Variants in HMG20A observed in about 807,000 individuals in gnomAD.
HMG20A encodes high mobility group 20A.
A neutral mutation model predicts 43.9 loss-of-function variants in HMG20A; 17 were observed. The observed-to-expected ratio is 0.39, with a 90% CI of 0.27 to 0.58. The LOEUF (loss-of-function observed/expected upper bound fraction) is 0.58, where lower values mean the gene tolerates loss of function less well. HMG20A is among the 20% of genes least tolerant of loss of function. The pLI, the probability that HMG20A is intolerant of heterozygous loss-of-function variation, is 0.59. For missense variants in HMG20A, 341 were observed against 438.2 expected, an observed-to-expected ratio of 0.78 and a Z score of 1.98; for synonymous variants, 132 against 147.5, an observed-to-expected ratio of 0.89 and a Z score of 0.76.
chr15:77,449,897 C>T (rs1354443892), intron 1 of HMG20A, among the ~76,000 whole-genome samples: 1 of 152,084 alleles, frequency 6.6e-6, no homozygotes, highest in Admixed American at 6.6e-5. Flanking sequence ...ATGTATCCAC[C>T]ATTGTATCAC....
intron 1 of HMG20A, among the ~76,000 whole-genome samples, chr15:77,437,660 C>T (rs755947794): frequency 6.6e-6 from 1 of 152,184 alleles, no homozygotes; most frequent in Non-Finnish European, 1.5e-5. Context: ...CAACCTCTGC[C>T]TCCTGGGTTC....
the HMG20A span, among the ~76,000 whole-genome samples, chr15:77,509,555 C>CGTGTGTGTGTGTGT: frequency 8.7e-6 from 1 of 115,402 alleles, no homozygotes; most frequent in South Asian, 3.6e-4. Context: ...TGTGCCCAGC[C>CGTGTGTGTGTGTGT]GTGTGTGTGT....
chr15:77,427,639 C>T (rs2073439996), intron 1 of HMG20A, among the ~76,000 whole-genome samples: 1 of 152,048 alleles, frequency 6.6e-6, no homozygotes. Flanking sequence ...TACATGTTAC[C>T]CCATATGGCT....
chr15:77,516,989 TC>T, the HMG20A span, among the ~76,000 whole-genome samples: 1 of 152,158 alleles, frequency 6.6e-6, no homozygotes, highest in African/African-American at 2.4e-5. Flanking sequence ...GGCCTCACCG[TC>T]CCGCACATGT....
the HMG20A span, among the ~76,000 whole-genome samples, chr15:77,513,127 G>T: frequency 5.9e-5 from 9 of 152,176 alleles, no homozygotes; most frequent in Non-Finnish European, 1.0e-4. Context: ...TGTAATCATG[G>T]ATAGGACCCT....
intron 1 of HMG20A, among the ~76,000 whole-genome samples, chr15:77,429,730 G>A (rs995800517): frequency 1.1e-4 from 16 of 152,230 alleles, no homozygotes; most frequent in African/African-American, 3.6e-4. Flanking sequence ...TAATGCCTAA[G>A]CAAATTATTG....
chr15:77,421,152 G>A (rs1046313778), intron 1 of HMG20A, 148 bp downstream of exon 1: 4 of 385,892 alleles, frequency 1.0e-5, no homozygotes, highest in African/African-American at 8.3e-5. Flanking sequence ...GTTGGGGGAG[G>A]GGAGGAAGGC....
the HMG20A span, among the ~76,000 whole-genome samples, chr15:77,497,106 G>A: frequency 2.0e-5 from 3 of 152,246 alleles, no homozygotes; most frequent in South Asian, 6.2e-4. Context: ...TGTGGAAGGG[G>A]CCTGCAGCTC....
At chr15:77,482,524 A>C (rs543643981) in intron 9 of HMG20A, 2 of 152,320 alleles carry the variant, frequency 1.3e-5, no homozygotes, top group East Asian at 3.9e-4. Context: ...TATTTTTATT[A>C]ATATGAGAAA....
At chr15:77,515,529 T>A in the HMG20A span, among the ~76,000 whole-genome samples, 2 of 152,030 alleles carry the variant, frequency 1.3e-5, no homozygotes, top group African/African-American at 4.8e-5. Flanking sequence ...GCTCAAGCGA[T>A]CCTCCTACCT....
At chr15:77,433,338 TAAA>T (rs56217820) in intron 1 of HMG20A, among the ~76,000 whole-genome samples, 22 of 118,510 alleles carry the variant, frequency 1.9e-4, no homozygotes, top group Non-Finnish European at 1.7e-4. Context: ...ACCCTGTCTC[TAAA>T]AAAAAAAAAA....
Position 77,466,003 on chromosome 15 carries a change from T to G in HMG20A, c.238-1092T>G, listed in dbSNP as rs189460348. Among the ~76,000 whole-genome samples, 751 of 152,366 alleles carry G rather than the reference T, an allele frequency of 4.9e-3. 13 individuals carry two copies. Among genetic ancestry groups the G allele is most frequent in the African/African-American group, 0.017 (715 of 41,590 alleles). On this transcript the variant is annotated intron_variant, in intron 3 of 9. Transcript: ENST00000336216. ...TGAAACATCAGTGGTACCTCAGTCC[T>G]TTTCATTTCTTTAGTTTTTTTCAGA...
At chr15:77,473,102 T>C (rs552657915) in intron 6 of HMG20A, among the ~76,000 whole-genome samples, 33 of 152,346 alleles carry the variant, frequency 2.2e-4, no homozygotes, top group Non-Finnish European at 4.4e-4. Context: ...CCTTAAAACA[T>C]AGAGAAAAGA....
At position 77,484,347 on chromosome 15, in the gene HMG20A, T is replaced by C. The variant is rs2142370055; in HGVS notation, c.*1384T>C. ...ATTGTTTTTGTTTTTGTTTTTGTTTTGACACTGCAGAGCACAAGGCTAAAG... is the reference window on the plus strand; with the variant it reads ...ATTGTTTTTGTTTTTGTTTTTGTTTCGACACTGCAGAGCACAAGGCTAAAG... On this transcript the variant is annotated 3_prime_UTR_variant, in exon 10 of 10. Coordinates refer to ENST00000336216, the MANE Select transcript of HMG20A (RefSeq NM_001304504.2). 6.5e-6 allele frequency: 1 copy of C among 152,814 alleles called. No individual in the cohort carries two copies. Among genetic ancestry groups the C allele is most frequent in the East Asian group, 1.9e-4 (1 of 5,190 alleles). 9.5% of individuals were successfully genotyped at this position (152,814 alleles called of 1,614,324 possible). A position where few individuals can be genotyped will look rare whatever the true frequency, so the allele number is the denominator to read the frequency against.
In HMG20A at chr15:77,455,436, T is replaced by C. The variant is rs554576271; in HGVS notation, c.-4-2968T>C. ...CACTCTTTTATATGTCAGGTTTTTT[T>C]CAGTGAGTGGTTAGTGTTAGAGGGA... is the stretch of plus-strand genomic sequence containing the variant. On this transcript the variant is annotated intron_variant, in intron 1 of 9. Transcript: ENST00000336216. 9.9e-5 allele frequency among the ~76,000 whole-genome samples: 15 copies of C among 151,938 alleles called. No individual in the cohort carries two copies. The East Asian group carries it at 2.3e-3, about 23-fold the overall frequency.
Position 77,442,788 on chromosome 15 carries a change from G to A in HMG20A, c.-4-15616G>A, listed in dbSNP as rs570480367. On this transcript the variant is annotated intron_variant, in intron 1 of 9. Transcript: ENST00000336216. ...TAATGGTGTTTTTCTGGAAAGGGGAGTATGGAGAGTCTGGCAAAAAGGGAA... is the reference window on the plus strand; with the variant it reads ...TAATGGTGTTTTTCTGGAAAGGGGAATATGGAGAGTCTGGCAAAAAGGGAA... Among the ~76,000 whole-genome samples, 7 of 152,286 alleles carry A rather than the reference G, an allele frequency of 4.6e-5. No homozygotes were observed. The East Asian group carries it at 9.6e-4, about 21-fold the overall frequency.
At chr15:77,436,465 T>C (rs111234330) in intron 1 of HMG20A, among the ~76,000 whole-genome samples, 2 of 152,014 alleles carry the variant, frequency 1.3e-5, no homozygotes, top group East Asian at 3.9e-4. Flanking sequence ...TTTTTTTTTT[T>C]CCCTCCCCCA....
intron 3 of HMG20A, among the ~76,000 whole-genome samples, chr15:77,465,260 C>CAAAA (rs71145837): frequency 5.4e-3 from 312 of 57,692 alleles, no homozygotes; most frequent in African/African-American, 9.8e-3. Flanking sequence ...GACTTCGTCT[C>CAAAA]AAAAAAAAAA....
At chr15:77,455,729 A>C (rs1218549409) in intron 1 of HMG20A, among the ~76,000 whole-genome samples, 2 of 152,206 alleles carry the variant, frequency 1.3e-5, no homozygotes, top group Non-Finnish European at 2.9e-5. Flanking sequence ...AAAATTTCAA[A>C]GTTCAGTGTG....
Sources: allele counts gnomAD v4.1 joint callset (sites outside exome capture counted in the v4.1 genomes callset), GRCh38; gene constraint gnomAD v4.1.1; transcripts MANE v1.5; gene names NCBI Gene and HGNC (gene_info 2026-07-23, HGNC 2026-07-21).